ZDHHC11: variants seen among roughly 807,000 people sequenced by gnomAD.
ZDHHC11 encodes the protein palmitoyltransferase ZDHHC11.
ZDHHC11 carries 44 observed loss-of-function variants against 51.3 expected under a neutral mutation model. The ratio of observed to expected loss-of-function variants is 0.86; its 90% CI spans 0.67 to 1.10. The LOEUF is 1.10. ZDHHC11 is among the 50% of genes least tolerant of loss of function. The pLI is 0.00. For synonymous variants in ZDHHC11, 163 were observed against 222.0 expected, an observed-to-expected ratio of 0.73 and a Z score of 2.36; for missense variants, 400 against 537.7, an observed-to-expected ratio of 0.74 and a Z score of 2.53.
intron 7 of ZDHHC11, among the ~76,000 whole-genome samples, chr5:827,737 T>A (rs1381912276): frequency 2.0e-5 from 3 of 150,842 alleles, no homozygotes; most frequent in Admixed American, 6.6e-5. Context: ...TATTTTTTTT[T>A]ATTCTTTATT....
At chr5:840,705 C>T in intron 4 of ZDHHC11, 55 bp from the exon 5 acceptor site, 1 of 1,608,806 alleles carries the variant, frequency 6.2e-7, no homozygotes, top group South Asian at 1.1e-5. Context: ...GGTGCCACAT[C>T]AGGTGGACGT....
chr5:841,884 C>G (rs1478426674), intron 4 of ZDHHC11: 8 of 989,328 alleles, frequency 8.1e-6, no homozygotes, highest in Admixed American at 6.1e-5. Flanking sequence ...CTTTCGGTGA[C>G]AGACCCTCTC....
At chr5:810,517 C>G (rs1490805218) in intron 11 of ZDHHC11, among the ~76,000 whole-genome samples, 6 of 151,284 alleles carry the variant, frequency 4.0e-5, no homozygotes, top group African/African-American at 1.5e-4. Flanking sequence ...CTCACAGGCT[C>G]TTAATGAATG....
At chr5:824,623 G>GACC (rs1226104948) in intron 8 of ZDHHC11, among the ~76,000 whole-genome samples, 1 of 151,330 alleles carries the variant, frequency 6.6e-6, no homozygotes, top group Non-Finnish European at 1.5e-5. Context: ...ATATACACGT[G>GACC]ACCACACACC....
intron 5 of ZDHHC11, among the ~76,000 whole-genome samples, chr5:838,272 A>C (rs1418918216): frequency 2.0e-5 from 3 of 152,012 alleles, no homozygotes; most frequent in Admixed American, 1.3e-4. Context: ...CCGTTTATCT[A>C]AAAGAGCCGT....
chr5:837,748 G>T (rs1393799120), intron 5 of ZDHHC11, among the ~76,000 whole-genome samples: 1 of 151,922 alleles, frequency 6.6e-6, no homozygotes, highest in Non-Finnish European at 1.5e-5. Flanking sequence ...GCCTGCCACG[G>T]CCTCATTGAG....
intron 12 of ZDHHC11, among the ~76,000 whole-genome samples, chr5:798,822 G>A (rs528240427): frequency 3.4e-4 from 52 of 151,650 alleles, no homozygotes; most frequent in African/African-American, 9.7e-4. Flanking sequence ...AATTCATTTC[G>A]AAAGCACCCT....
chr5:835,741 T>G (rs1743740517), intron 6 of ZDHHC11, among the ~76,000 whole-genome samples: 1 of 151,970 alleles, frequency 6.6e-6, no homozygotes. Context: ...GCTGTACACC[T>G]TTTCACTTAA....
intron 11 of ZDHHC11, among the ~76,000 whole-genome samples, chr5:813,486 C>G (rs1249602552): frequency 4.2e-5 from 6 of 143,236 alleles, no homozygotes; most frequent in Admixed American, 7.1e-5. Flanking sequence ...TAGAGGAACC[C>G]CAAGCAGCTC....
intron 8 of ZDHHC11, among the ~76,000 whole-genome samples, chr5:824,542 C>T (rs1196418472): frequency 6.6e-6 from 1 of 151,530 alleles, no homozygotes; most frequent in Non-Finnish European, 1.5e-5. Flanking sequence ...CTAAAGCCGG[C>T]AGCCGCGCTG....
chr5:820,979 TG>T (rs1252390230), intron 9 of ZDHHC11, among the ~76,000 whole-genome samples: 1 of 151,270 alleles, frequency 6.6e-6, no homozygotes, highest in East Asian at 1.9e-4. Flanking sequence ...TTCAATTTGA[TG>T]GGGAAAGGTG....
At chr5:800,156 G>T (rs1738208725) in intron 12 of ZDHHC11, among the ~76,000 whole-genome samples, 1 of 151,170 alleles carries the variant, frequency 6.6e-6, no homozygotes, top group Admixed American at 6.6e-5. Flanking sequence ...GGGCTCTATG[G>T]CACCCAGACG....
At chr5:856,300 CAA>C (rs113130500) in intron 1 of ZDHHC11, among the ~76,000 whole-genome samples, 15,092 of 150,934 alleles carry the variant, frequency 0.1, 2,048 homozygotes, top group African/African-American at 0.31. Flanking sequence ...AACACACACA[CAA>C]GACACCACAC....
intron 11 of ZDHHC11, among the ~76,000 whole-genome samples, chr5:804,755 C>G (rs1366811228): frequency 6.6e-6 from 1 of 151,242 alleles, no homozygotes; most frequent in African/African-American, 2.4e-5. Flanking sequence ...CTATATGTGA[C>G]AAATCTATCC....
intron 8 of ZDHHC11, chr5:823,496 ACTGT>A (rs1561254839): frequency 6.6e-6 from 1 of 152,100 alleles, no homozygotes; most frequent in African/African-American, 2.4e-5. Context: ...TTTGGACAAC[ACTGT>A]CTGCAGCTGT....
At chr5:821,806 G>A (rs1426145089) in intron 9 of ZDHHC11, 55 bp downstream of exon 9, 4 of 1,485,016 alleles carry the variant, frequency 2.7e-6, no homozygotes, top group African/African-American at 1.4e-5. Flanking sequence ...GATGAGACGA[G>A]TGTATAACTA....
chr5:859,918 G>T (rs1748702601), upstream of ZDHHC11, among the ~76,000 whole-genome samples: 1 of 152,206 alleles, frequency 6.6e-6, no homozygotes, highest in Admixed American at 6.5e-5. Context: ...TGACTTTGGG[G>T]GTGAGGACGG....
At chr5:802,871 A>AAAAAAAAAAC (rs1561228376) in intron 11 of ZDHHC11, among the ~76,000 whole-genome samples, 4 of 114,246 alleles carry the variant, frequency 3.5e-5, no homozygotes, top group African/African-American at 1.5e-4. Flanking sequence ...AAAAAAAAAA[A>AAAAAAAAAAC]AAAGCTAAAT....
chr5:824,769 T>C (rs1395076090), intron 8 of ZDHHC11, among the ~76,000 whole-genome samples: 1 of 125,536 alleles, frequency 8.0e-6, no homozygotes. Flanking sequence ...GCATTTTATT[T>C]AAAAAAAAAA....
Sources: gnomAD v4.1 joint callset for allele counts (sites outside exome capture counted in the v4.1 genomes callset) on GRCh38, gnomAD v4.1.1 for gene constraint, MANE v1.5 for transcripts, NCBI Gene and HGNC (gene_info 2026-07-23, HGNC 2026-07-21) for gene names.